The following PPFIBP2 variants were observed in gnomAD, a reference collection of about 807,000 sequenced individuals.
PPFIBP2 encodes liprin-beta-2.
PPFIBP2 carries 118 observed loss-of-function variants against 118.3 expected under a neutral mutation model. The observed-to-expected ratio is 1.00, with a 90% CI of 0.86 to 1.16. The LOEUF (loss-of-function observed/expected upper bound fraction) is 1.16, where lower values mean the gene tolerates loss of function less well. Ranked by LOEUF, PPFIBP2 falls within the 50% of genes most tolerant of loss-of-function variation. The probability of loss-of-function intolerance (pLI) is 0.00; values close to 1 mark genes in which losing one functional copy is unlikely to be tolerated. For synonymous variants in PPFIBP2, 414 were observed against 397.4 expected (o/e 1.04, Z -0.50); for missense variants, 1,195 against 1,073.1 (o/e 1.11, Z -1.59).
At chr11:7,649,064 A>G (rs1228313710) in intron 19 of PPFIBP2, 83 bp from the exon 20 acceptor site, 14 of 1,442,754 alleles carry the variant, frequency 9.7e-6, no homozygotes, top group Non-Finnish European at 1.3e-5. Flanking sequence ...GAACCTCAAA[A>G]TATAATTTGC....
At chr11:7,664,174 G>A in the PPFIBP2 span, among the ~76,000 whole-genome samples, 2 of 152,100 alleles carry the variant, frequency 1.3e-5, no homozygotes, top group Non-Finnish European at 2.9e-5. Context: ...CTCCTCCCTT[G>A]CATGTTGTCA....
intron 5 of PPFIBP2, chr11:7,598,196 T>C: frequency 5.1e-6 from 1 of 196,648 alleles, no homozygotes; most frequent in Non-Finnish European, 1.1e-5. Flanking sequence ...CTTGTTTTCT[T>C]TTTGTCCTTG....
chr11:7,601,979 G>T (rs1222422079), intron 5 of PPFIBP2, among the ~76,000 whole-genome samples: 1 of 150,994 alleles, frequency 6.6e-6, no homozygotes, highest in Non-Finnish European at 1.5e-5. Flanking sequence ...TGTAATCCCA[G>T]CTACTTGGGA....
At chr11:7,608,588 C>T (rs1476638023) in intron 5 of PPFIBP2, among the ~76,000 whole-genome samples, 3 of 152,124 alleles carry the variant, frequency 2.0e-5, no homozygotes, top group African/African-American at 7.2e-5. Context: ...TGTGGTGAGC[C>T]GAGATCGTGC....
chr11:7,595,840 A>G (rs1250626825), intron 4 of PPFIBP2, among the ~76,000 whole-genome samples: 1 of 151,758 alleles, frequency 6.6e-6, no homozygotes, highest in Non-Finnish European at 1.5e-5. Flanking sequence ...CAAAACCAGA[A>G]TCTCTTGTAT....
rs771097828 is a variant in PPFIBP2 at position 7,642,447 on chromosome 11, C to G, written c.1646+21C>G. 6.9e-6 allele frequency: 11 copies of G among 1,602,186 alleles called. No individual in the cohort carries two copies. The Admixed American group carries it at 1.5e-4, about 22-fold the overall frequency. ...AAAAGGTAAGGCTTGACCCACTTTCCTTTGATCTCCCTGCTCTGAAAAAGA... is the reference window on the plus strand; with the variant it reads ...AAAAGGTAAGGCTTGACCCACTTTCGTTTGATCTCCCTGCTCTGAAAAAGA... On this transcript the variant is annotated intron_variant, in intron 17 of 23. Transcript: ENST00000299492.
chr11:7,569,341 C>A (rs549910188), intron 3 of PPFIBP2, among the ~76,000 whole-genome samples: 55 of 152,296 alleles, frequency 3.6e-4, no homozygotes, highest in African/African-American at 1.3e-3. Context: ...AGTTCTAAAG[C>A]CCAAGTGGAG....
intron 7 of PPFIBP2, among the ~76,000 whole-genome samples, 191 bp downstream of exon 7, chr11:7,621,218 G>A (rs1391251714): frequency 2.6e-5 from 4 of 152,122 alleles, no homozygotes; most frequent in Admixed American, 6.5e-5. Flanking sequence ...GAGAATGCCC[G>A]TGAGATTATG....
chr11:7,595,795 T>C (rs1860173001), intron 4 of PPFIBP2, among the ~76,000 whole-genome samples: 1 of 152,048 alleles, frequency 6.6e-6, no homozygotes, highest in East Asian at 1.9e-4. Context: ...AAATCACACA[T>C]AACAAAATAC....
rs1392323396 is a variant in PPFIBP2, at chr11:7,610,422, G to A, written c.618G>A (p.Glu206=). The part of the protein sequence containing the change: ...REQEEKQRKA[E]ELLQELRHLK... ...AGGAGGAGAAGCAGAGAAAAGCAGA[G>A]GTAAGGGTGAGTGTGTACTGTCCTA... Residue 206 remains glutamate (E), a splice_region_variant and synonymous_variant, in exon 6 of 24, where the codon GAG becomes GAA. Coordinates refer to ENST00000299492, the MANE Select transcript of PPFIBP2 (RefSeq NM_003621.5). The A allele has an allele frequency of 3.1e-6, 5 of 1,613,218 alleles. No homozygotes were observed. The highest frequency in any genetic ancestry group is 4.2e-6 in the Non-Finnish European group (5 of 1,179,888).
intron 17 of PPFIBP2, among the ~76,000 whole-genome samples, chr11:7,643,654 A>G (rs1222032313): frequency 6.6e-6 from 1 of 152,254 alleles, no homozygotes; most frequent in Non-Finnish European, 1.5e-5. Context: ...GTGACTCTTA[A>G]CTAGAAATTG....
At chr11:7,530,391 A>G (rs1175242691) in intron 1 of PPFIBP2, among the ~76,000 whole-genome samples, 1 of 152,228 alleles carries the variant, frequency 6.6e-6, no homozygotes, top group Non-Finnish European at 1.5e-5. Context: ...TGTCTCCTAA[A>G]AATTCATATG....
intron 7 of PPFIBP2, among the ~76,000 whole-genome samples, 167 bp from the exon 8 acceptor site, chr11:7,625,610 C>T (rs929956868): frequency 1.3e-5 from 2 of 152,238 alleles, no homozygotes; most frequent in Non-Finnish European, 2.9e-5. Context: ...GTTCACTCAG[C>T]AGAGTTCCAC....
At chr11:7,568,873 A>G (rs1322163983) in intron 3 of PPFIBP2, 3 of 152,276 alleles carry the variant, frequency 2.0e-5, no homozygotes, top group African/African-American at 7.2e-5. Flanking sequence ...AATAGACATT[A>G]AAGACTTTTA....
At chr11:7,665,253 T>C in the PPFIBP2 span, 2 of 820,414 alleles carry the variant, frequency 2.4e-6, no homozygotes, top group Non-Finnish European at 3.7e-6. Flanking sequence ...GGAGAACCAG[T>C]GTGTGCGCGA....
At chr11:7,570,922 T>G (rs1301728020) in intron 3 of PPFIBP2, among the ~76,000 whole-genome samples, 1 of 152,218 alleles carries the variant, frequency 6.6e-6, no homozygotes, top group Non-Finnish European at 1.5e-5. Context: ...GGGGGCTATA[T>G]GGAGTGGTCT....
chr11:7,531,435 T>C (rs1850676027), intron 1 of PPFIBP2, among the ~76,000 whole-genome samples: 1 of 152,212 alleles, frequency 6.6e-6, no homozygotes, highest in African/African-American at 2.4e-5. Context: ...CCTCACTAAA[T>C]GGTCTCGGTC....
the PPFIBP2 span, chr11:7,666,830 C>T: frequency 6.8e-6 from 2 of 293,038 alleles, no homozygotes; most frequent in East Asian, 8.3e-5. Context: ...CTTAGCCAAG[C>T]GCTGGCCAGG....
chr11:7,648,305 T>G (rs1853425794), intron 17 of PPFIBP2, 82 bp from the exon 18 acceptor site: 1 of 1,452,806 alleles, frequency 6.9e-7, no homozygotes, highest in East Asian at 2.3e-5. Context: ...TTCTTTTCTT[T>G]TCTTTTGTTT....
Sources: allele counts gnomAD v4.1 joint callset (sites outside exome capture counted in the v4.1 genomes callset), GRCh38; gene constraint gnomAD v4.1.1; transcripts MANE v1.5; gene names NCBI Gene and HGNC (gene_info 2026-07-23, HGNC 2026-07-21).